The following PDHX variants were observed in gnomAD, a reference collection of about 807,000 sequenced individuals.
The protein encoded by PDHX is pyruvate dehydrogenase protein X component, mitochondrial.
In PDHX, 33 loss-of-function variants were observed where a neutral mutation model predicts 55.3. That is an observed-to-expected ratio of 0.60 (90% CI 0.45 to 0.80). The LOEUF is 0.80. Ranked by LOEUF, PDHX falls within the 30% of genes least tolerant of loss-of-function variation. The pLI is 0.00. For synonymous variants in PDHX, 226 were observed against 219.4 expected, an observed-to-expected ratio of 1.03 and a Z score of -0.27; for missense variants, 622 against 619.9, an observed-to-expected ratio of 1.00 and a Z score of -0.04.
intron 1 of PDHX, 130 bp from the exon 2 acceptor site, chr11:34,931,274 G>T: frequency 1.5e-6 from 1 of 670,736 alleles, no homozygotes; most frequent in Non-Finnish European, 2.7e-6. Flanking sequence ...TTTACCAGTT[G>T]GGAATCTTTT....
intron 3 of PDHX, among the ~76,000 whole-genome samples, chr11:34,952,536 A>G (rs1299664466): frequency 6.6e-6 from 1 of 150,704 alleles, no homozygotes; most frequent in African/African-American, 2.4e-5. Context: ...CTGGTTCAAG[A>G]TACGCAAATC....
At chr11:34,931,531 A>G in intron 2 of PDHX, 47 bp downstream of exon 2, 1 of 972,848 alleles carries the variant, frequency 1.0e-6, no homozygotes, top group Non-Finnish European at 1.5e-6. Flanking sequence ...TTATTTGGTT[A>G]TTTTGTTTTG....
intron 9 of PDHX, 121 bp from the exon 10 acceptor site, chr11:34,992,194 G>A (rs1289716395): frequency 9.5e-6 from 6 of 633,518 alleles, no homozygotes; most frequent in Non-Finnish European, 1.7e-5. Flanking sequence ...TTTTATATAG[G>A]TAACAAAATC....
chr11:34,939,697 CTTTTTT>C (rs913456077), intron 2 of PDHX, among the ~76,000 whole-genome samples: 6 of 151,988 alleles, frequency 3.9e-5, no homozygotes, highest in Admixed American at 3.9e-4. Context: ...TTTTTATTTT[CTTTTTT>C]TAAGTAACTG....
chr11:34,919,247 C>T (rs975245328), intron 1 of PDHX, among the ~76,000 whole-genome samples: 4 of 152,094 alleles, frequency 2.6e-5, no homozygotes, highest in East Asian at 1.9e-4. Flanking sequence ...GCCGAAAACA[C>T]GTGGCAATCC....
chr11:34,983,287 C>G (rs10742331), intron 8 of PDHX, among the ~76,000 whole-genome samples: 98,454 of 152,006 alleles, frequency 0.65, 32,308 homozygotes, highest in East Asian at 0.75. Context: ...AATAATAAGA[C>G]CTATTTTTGA....
intron 8 of PDHX, among the ~76,000 whole-genome samples, chr11:34,981,968 G>A (rs909345997): frequency 3.9e-5 from 6 of 152,106 alleles, no homozygotes; most frequent in African/African-American, 1.4e-4. Context: ...TCACTCTGAT[G>A]GTAGTTTCTT....
chr11:34,981,687 G>A (rs1240319652), intron 8 of PDHX, among the ~76,000 whole-genome samples: 5 of 152,142 alleles, frequency 3.3e-5, no homozygotes, highest in South Asian at 4.2e-4. Flanking sequence ...TTTAATGATT[G>A]CCATTCTAAC....
At chr11:34,977,936 T>A in intron 7 of PDHX, 188 bp from the exon 8 acceptor site, 1 of 612,568 alleles carries the variant, frequency 1.6e-6, no homozygotes, top group Non-Finnish European at 3.0e-6. Flanking sequence ...TTAATATTAT[T>A]GATCCAGGAC....
intron 5 of PDHX, among the ~76,000 whole-genome samples, chr11:34,963,291 AAGAG>A (rs1479939635): frequency 6.6e-6 from 1 of 151,660 alleles, no homozygotes; most frequent in African/African-American, 2.4e-5. Flanking sequence ...TTTTTTCTTT[AAGAG>A]AGAGACAGGC....
chr11:34,957,958 C>G (rs2243929), intron 4 of PDHX, among the ~76,000 whole-genome samples: 91,150 of 151,920 alleles, frequency 0.6, 28,859 homozygotes, highest in East Asian at 0.75. Context: ...ATTCCAAGCT[C>G]AAATGTCTAT....
intron 6 of PDHX, among the ~76,000 whole-genome samples, chr11:34,969,198 TA>T (rs1278697890): frequency 6.6e-6 from 1 of 152,184 alleles, no homozygotes; most frequent in Non-Finnish European, 1.5e-5. Context: ...TTCAGTATGT[TA>T]GGTGTATTAA....
intron 1 of PDHX, among the ~76,000 whole-genome samples, chr11:34,925,228 A>G (rs1410479026): frequency 6.6e-6 from 1 of 152,198 alleles, no homozygotes; most frequent in African/African-American, 2.4e-5. Flanking sequence ...ATGTAGATTG[A>G]ACTTCAAGCT....
intron 2 of PDHX, among the ~76,000 whole-genome samples, chr11:34,943,854 C>T (rs1010501315): frequency 1.5e-4 from 23 of 152,172 alleles, no homozygotes; most frequent in South Asian, 6.2e-4. Flanking sequence ...AGCCTTTTCT[C>T]ACCTTACAAA....
intron 5 of PDHX, among the ~76,000 whole-genome samples, chr11:34,964,134 A>G (rs907168980): frequency 2.6e-5 from 4 of 152,192 alleles, no homozygotes; most frequent in African/African-American, 7.2e-5. Context: ...TTTGTGTGGT[A>G]TATTTTTCTC....
intron 5 of PDHX, among the ~76,000 whole-genome samples, chr11:34,961,157 A>G (rs1480992679): frequency 1.3e-5 from 2 of 152,080 alleles, no homozygotes; most frequent in African/African-American, 4.8e-5. Context: ...GTCTAGCTCC[A>G]TGGGTAGGAG....
chr11:34,954,823 A>G (rs11606580), intron 3 of PDHX, among the ~76,000 whole-genome samples: 28 of 152,180 alleles, frequency 1.8e-4, no homozygotes, highest in African/African-American at 6.5e-4. Flanking sequence ...CATAACAACA[A>G]TGTGAAGTAG....
intron 2 of PDHX, 120 bp downstream of exon 2, chr11:34,931,604 C>G: frequency 3.1e-6 from 2 of 653,878 alleles, no homozygotes; most frequent in African/African-American, 3.9e-5. Context: ...AAATTGTGTT[C>G]CTTTGGTAGT....
chr11:34,976,603 C>A (rs1855380294), intron 7 of PDHX, among the ~76,000 whole-genome samples: 1 of 152,070 alleles, frequency 6.6e-6, no homozygotes, highest in African/African-American at 2.4e-5. Context: ...ACTGGAACTT[C>A]TAGCCTGGGG....
Sources: allele counts gnomAD v4.1 joint callset (sites outside exome capture counted in the v4.1 genomes callset), GRCh38; gene constraint gnomAD v4.1.1; transcripts MANE v1.5; gene names NCBI Gene and HGNC (gene_info 2026-07-23, HGNC 2026-07-21).